The following MTUS2 variants were observed in gnomAD, a reference collection of about 807,000 sequenced individuals.
The protein encoded by MTUS2 is microtubule-associated tumor suppressor candidate 2.
Under a neutral mutation model 114.1 loss-of-function variants are expected in MTUS2, and 40 were observed. The observed-to-expected ratio is 0.35, with a 90% CI of 0.27 to 0.46. The LOEUF (loss-of-function observed/expected upper bound fraction) is 0.46. Ranked by LOEUF, MTUS2 falls within the 20% of genes least tolerant of loss-of-function variation. The pLI is 1.00. For missense variants in MTUS2, 1,679 were observed against 1,705.4 expected (o/e 0.98, Z 0.27); for synonymous variants, 688 against 672.0 (o/e 1.02, Z -0.37).
At chr13:29,073,174 T>G (rs1019564217) in intron 4 of MTUS2, among the ~76,000 whole-genome samples, 1 of 152,170 alleles carries the variant, frequency 6.6e-6, no homozygotes, top group African/African-American at 2.4e-5. Context: ...ATGCAGACAC[T>G]CAGGTCTTTG....
intron 2 of MTUS2, among the ~76,000 whole-genome samples, chr13:28,998,966 C>T (rs1885252981): frequency 6.6e-6 from 1 of 152,170 alleles, no homozygotes; most frequent in African/African-American, 2.4e-5. Flanking sequence ...GAGAGGCACT[C>T]AGATTTTTAG....
intron 2 of MTUS2, among the ~76,000 whole-genome samples, chr13:28,913,354 G>A (rs1386450322): frequency 6.6e-6 from 1 of 152,086 alleles, no homozygotes; most frequent in East Asian, 1.9e-4. Flanking sequence ...GTCCTTTTCT[G>A]TGTCTATTGA....
At chr13:29,004,736 A>G (rs1342338613) in intron 2 of MTUS2, among the ~76,000 whole-genome samples, 2 of 152,226 alleles carry the variant, frequency 1.3e-5, no homozygotes, top group Non-Finnish European at 2.9e-5. Context: ...AGCAAATACA[A>G]ACTGAGAACC....
intron 9 of MTUS2, among the ~76,000 whole-genome samples, chr13:29,455,272 A>G (rs796521071): frequency 1.3e-5 from 2 of 152,182 alleles, no homozygotes; most frequent in South Asian, 2.1e-4. Flanking sequence ...GGTAGGCTGC[A>G]CATATTCAGA....
chr13:29,389,617 GTGTATA>G (rs1489753120), intron 8 of MTUS2, among the ~76,000 whole-genome samples: 1 of 56,652 alleles, frequency 1.8e-5, no homozygotes, highest in Non-Finnish European at 5.1e-5. Context: ...ATACATATGT[GTGTATA>G]TATGTATACA....
At chr13:28,853,187 G>A (rs1200627314) in intron 2 of MTUS2, among the ~76,000 whole-genome samples, 1 of 152,234 alleles carries the variant, frequency 6.6e-6, no homozygotes, top group Non-Finnish European at 1.5e-5. Context: ...GTATGAATGT[G>A]TGGTAGGCGG....
intron 9 of MTUS2, among the ~76,000 whole-genome samples, chr13:29,456,549 G>A (rs966576273): frequency 6.6e-6 from 1 of 152,144 alleles, no homozygotes; most frequent in Non-Finnish European, 1.5e-5. Flanking sequence ...AAGCCACACC[G>A]AAGCACACCA....
At chr13:29,015,762 A>T (rs1441185041) in intron 2 of MTUS2, among the ~76,000 whole-genome samples, 3 of 152,234 alleles carry the variant, frequency 2.0e-5, no homozygotes, top group Non-Finnish European at 2.9e-5. Context: ...TATTTATTAT[A>T]TTACATGTAT....
intron 7 of MTUS2, among the ~76,000 whole-genome samples, chr13:29,335,673 A>G (rs1901025014): frequency 6.6e-6 from 1 of 152,100 alleles, no homozygotes; most frequent in African/African-American, 2.4e-5. Flanking sequence ...ACCGGCCAAC[A>G]CTTAGGGAAA....
rs1459340147 is a variant in MTUS2 at position 29,437,714 on chromosome 13, GA to G, written c.3118-2268del. Among the ~76,000 whole-genome samples the G allele has an allele frequency of 5.0e-4, 76 of 152,320 alleles. No homozygotes were observed. In the East Asian group the frequency reaches 0.014, roughly 27 times the overall value. ...TAATCCCAGTACTGTGGCAGCCACA[GA>G]TTGGACAGATTGCTTAGGCCCAGGA... is the stretch of plus-strand genomic sequence containing the variant. On this transcript the variant is annotated intron_variant, in intron 8 of 15. Transcript: ENST00000612955.
Position 29,504,613 on chromosome 13 carries a change from A to C in MTUS2, c.*1407A>C. ...GCTCCTGGACTGGCATCTGTCTCTA[A>C]AATGGTAGAATTAGGATATGAACAG... is the stretch of plus-strand genomic sequence containing the variant. On this transcript the variant is annotated 3_prime_UTR_variant, in exon 16 of 16. Transcript: ENST00000612955. 4.3e-6 allele frequency: 1 copy of C among 233,076 alleles called. No individual in the cohort carries two copies. The highest frequency in any genetic ancestry group is 8.5e-6 in the Non-Finnish European group (1 of 117,916). 14.4% of individuals were successfully genotyped at this position (233,076 alleles called of 1,614,324 possible).
intron 2 of MTUS2, among the ~76,000 whole-genome samples, chr13:28,894,290 GAGAGAGAGAGAGA>G (rs1879112570): frequency 1.2e-3 from 8 of 6,838 alleles, no homozygotes; most frequent in African/African-American, 4.1e-3. Flanking sequence ...GGGGGGGGGG[GAGAGAGAGAGAGA>G]GGGGGGGGGG....
chr13:29,107,304 G>A (rs749935854), intron 5 of MTUS2, among the ~76,000 whole-genome samples: 1 of 151,980 alleles, frequency 6.6e-6, no homozygotes, highest in Non-Finnish European at 1.5e-5. Context: ...AATAATTTTA[G>A]TATCTCTCAC....
intron 2 of MTUS2, among the ~76,000 whole-genome samples, chr13:28,893,585 C>T (rs368608209): frequency 6.6e-6 from 1 of 152,110 alleles, no homozygotes; most frequent in South Asian, 2.1e-4. Context: ...AGTAATTATC[C>T]TAAGGTTTCA....
chr13:29,179,669 G>T (rs1298750148), intron 5 of MTUS2, among the ~76,000 whole-genome samples: 1 of 152,160 alleles, frequency 6.6e-6, no homozygotes, highest in Non-Finnish European at 1.5e-5. Flanking sequence ...AAAATTTGGT[G>T]ATTTTTATTT....
At chr13:29,432,636 C>T (rs766314871) in intron 8 of MTUS2, among the ~76,000 whole-genome samples, 66 of 152,286 alleles carry the variant, frequency 4.3e-4, no homozygotes, top group Non-Finnish European at 7.5e-4. Flanking sequence ...TATCCCCGCT[C>T]CCCTGAAATG....
intron 5 of MTUS2, among the ~76,000 whole-genome samples, chr13:29,127,710 C>T (rs1343549590): frequency 6.6e-6 from 1 of 152,246 alleles, no homozygotes; most frequent in African/African-American, 2.4e-5. Flanking sequence ...CCTCTCACAG[C>T]TTGCACATGG....
At chr13:28,845,897 C>T (rs1053417484) in intron 2 of MTUS2, among the ~76,000 whole-genome samples, 1 of 151,846 alleles carries the variant, frequency 6.6e-6, no homozygotes, top group African/African-American at 2.4e-5. Context: ...GAAGGGAGAG[C>T]ACTCAATAAT....
intron 2 of MTUS2, among the ~76,000 whole-genome samples, chr13:28,917,191 A>G (rs1880792385): frequency 6.6e-6 from 1 of 151,810 alleles, no homozygotes; most frequent in Non-Finnish European, 1.5e-5. Flanking sequence ...TTTTTACATC[A>G]ATTTTCATCA....
Sources: allele counts gnomAD v4.1 joint callset (sites outside exome capture counted in the v4.1 genomes callset), GRCh38; gene constraint gnomAD v4.1.1; transcripts MANE v1.5; gene names NCBI Gene and HGNC (gene_info 2026-07-23, HGNC 2026-07-21).